Variants in LSM12 observed in about 807,000 individuals in gnomAD.
The protein encoded by LSM12 is LSM12 homolog, also known as protein LSM12.
For missense variants in LSM12, 108 were observed against 238.9 expected (o/e 0.45, Z 3.61); for synonymous variants, 74 against 87.3 (o/e 0.85, Z 0.85).
chr17:44,066,792 T>A, upstream of LSM12: 1 of 549,548 alleles, frequency 1.8e-6, no homozygotes, highest in Non-Finnish European at 2.6e-6. Context: ...TTTGTATAGC[T>A]GCGTCCGCTC....
At chr17:44,038,455 G>A (rs989207536) in intron 3 of LSM12, among the ~76,000 whole-genome samples, 10 of 151,744 alleles carry the variant, frequency 6.6e-5, no homozygotes, top group African/African-American at 1.7e-4. Flanking sequence ...TCAGGAGATC[G>A]AGACCATCCT....
chr17:44,044,031 A>C (rs920172777), intron 2 of LSM12, among the ~76,000 whole-genome samples: 1 of 152,164 alleles, frequency 6.6e-6, no homozygotes, highest in Non-Finnish European at 1.5e-5. Context: ...GCTTGTGTTG[A>C]CTAGATAGTC....
chr17:44,041,901 A>T (rs1256087045), intron 2 of LSM12, among the ~76,000 whole-genome samples: 2 of 152,248 alleles, frequency 1.3e-5, no homozygotes, highest in African/African-American at 4.8e-5. Flanking sequence ...CAGACCCATG[A>T]ACATGAACAG....
At chr17:44,041,323 ACACACACACAAAC>A (rs2049489539) in intron 2 of LSM12, among the ~76,000 whole-genome samples, 1 of 146,762 alleles carries the variant, frequency 6.8e-6, no homozygotes, top group African/African-American at 2.6e-5. Flanking sequence ...ACACACACAC[ACACACACACAAAC>A]ACACACACAC....
Position 44,063,863 on chromosome 17 carries a change from C to A in LSM12, c.196G>T (p.Val66Leu). ...LLINLQYVSE[V>L]EIINDRTETP... ...TCTGTTCGGTCATTAATTATTTCCA[C>A]TTCTGAAACATACTGTAAGTTTATG... Residue 66 changes from valine to leucine, a missense_variant, in exon 2 of 5, where the codon GTG (valine) becomes TTG (leucine). Transcript: ENST00000293406. 6.2e-7 allele frequency: 1 copy of A among 1,613,962 alleles called. No individual in the cohort carries two copies. Among genetic ancestry groups the A allele is most frequent in the Non-Finnish European group, 8.5e-7 (1 of 1,180,014 alleles).
chr17:44,042,433 CTT>C (rs1378223144), intron 2 of LSM12, among the ~76,000 whole-genome samples: 5 of 152,056 alleles, frequency 3.3e-5, no homozygotes, highest in African/African-American at 4.8e-5. Context: ...GAGTTTCACT[CTT>C]GTTGCCCAGG....
At chr17:44,039,470 C>T (rs1331171243) in intron 3 of LSM12, among the ~76,000 whole-genome samples, 2 of 149,260 alleles carry the variant, frequency 1.3e-5, no homozygotes, top group East Asian at 1.9e-4. Context: ...CAAGCTCCGC[C>T]TCCCGGGTTC....
intron 2 of LSM12, among the ~76,000 whole-genome samples, chr17:44,055,176 A>C (rs545877856): frequency 1.1e-4 from 16 of 152,190 alleles, no homozygotes; most frequent in African/African-American, 3.9e-4. Context: ...TAAGTTAATC[A>C]TGAGGTTACA....
At chr17:44,059,169 TAA>T (rs2049761883) in intron 2 of LSM12, among the ~76,000 whole-genome samples, 1 of 151,960 alleles carries the variant, frequency 6.6e-6, no homozygotes, top group African/African-American at 2.4e-5. Flanking sequence ...ACTATATCTC[TAA>T]AAAACAGAAC....
intron 3 of LSM12, among the ~76,000 whole-genome samples, chr17:44,039,573 G>C (rs368069114): frequency 6.7e-6 from 1 of 149,824 alleles, no homozygotes; most frequent in Admixed American, 6.6e-5. Context: ...AGTAGAGACG[G>C]GGTTTCACCT....
At chr17:44,053,951 T>C (rs1383032064) in intron 2 of LSM12, among the ~76,000 whole-genome samples, 8 of 152,156 alleles carry the variant, frequency 5.3e-5, no homozygotes. Flanking sequence ...TTACCACCAC[T>C]GACCCACCCT....
At chr17:44,044,033 T>C (rs1159326741) in intron 2 of LSM12, among the ~76,000 whole-genome samples, 1 of 152,148 alleles carries the variant, frequency 6.6e-6, no homozygotes, top group Non-Finnish European at 1.5e-5. Flanking sequence ...TTGTGTTGAC[T>C]AGATAGTCTG....
chr17:44,056,846 C>T (rs2049721032), intron 2 of LSM12, among the ~76,000 whole-genome samples: 1 of 151,928 alleles, frequency 6.6e-6, no homozygotes. Context: ...ACAAAATTAG[C>T]CAGGTGGGGT....
intron 2 of LSM12, among the ~76,000 whole-genome samples, chr17:44,046,429 C>T (rs2049565867): frequency 6.6e-6 from 1 of 151,342 alleles, no homozygotes; most frequent in South Asian, 2.1e-4. Flanking sequence ...ACAAAATGGC[C>T]GGGTGCAGTG....
At chr17:44,050,114 T>C (rs2049623296) in intron 2 of LSM12, among the ~76,000 whole-genome samples, 2 of 152,158 alleles carry the variant, frequency 1.3e-5, no homozygotes, top group African/African-American at 4.8e-5. Context: ...TTTTTATTTT[T>C]TTGAGATGGA....
intron 3 of LSM12, 104 bp downstream of exon 3, chr17:44,040,042 TC>T (rs2049467508): frequency 2.6e-6 from 2 of 764,706 alleles, no homozygotes; most frequent in Non-Finnish European, 2.2e-6. Flanking sequence ...CTACCCAGCT[TC>T]CCCAGTAGAC....
intron 3 of LSM12, among the ~76,000 whole-genome samples, chr17:44,038,660 AAGAG>A (rs36022220): frequency 8.5e-5 from 13 of 152,220 alleles, no homozygotes; most frequent in African/African-American, 3.1e-4. Flanking sequence ...ACTCAAAAAA[AAGAG>A]AGAGAGAACA....
chr17:44,057,549 CAGG>C (rs2049733880), intron 2 of LSM12, among the ~76,000 whole-genome samples: 1 of 150,332 alleles, frequency 6.7e-6, no homozygotes. Context: ...ATCATGAGGT[CAGG>C]AGTTCAAGAC....
intron 2 of LSM12, among the ~76,000 whole-genome samples, chr17:44,055,795 C>T (rs780610490): frequency 1.3e-5 from 2 of 149,014 alleles, no homozygotes; most frequent in Non-Finnish European, 3.0e-5. Flanking sequence ...TGCTAATAGG[C>T]TATGTCCACA....
Sources: allele counts gnomAD v4.1 joint callset (sites outside exome capture counted in the v4.1 genomes callset), GRCh38; gene constraint gnomAD v4.1.1; transcripts MANE v1.5; gene names NCBI Gene and HGNC (gene_info 2026-07-23, HGNC 2026-07-21).